FAM222B: variants seen among roughly 807,000 people sequenced by gnomAD.
The protein encoded by FAM222B is protein FAM222B.
In FAM222B, 12 loss-of-function variants were observed where a neutral mutation model predicts 38.0. The observed-to-expected ratio is 0.32, with a 90% CI of 0.20 to 0.51. FAM222B has a LOEUF of 0.51. FAM222B is among the 20% of genes least tolerant of loss of function. The pLI is 0.97. For missense variants in FAM222B, 716 were observed against 754.2 expected, an observed-to-expected ratio of 0.95 and a Z score of 0.59; for synonymous variants, 329 against 317.2, an observed-to-expected ratio of 1.04 and a Z score of -0.40.
intron 1 of FAM222B, among the ~76,000 whole-genome samples, chr17:28,815,496 G>A (rs937503007): frequency 1.3e-5 from 2 of 151,914 alleles, no homozygotes; most frequent in African/African-American, 2.4e-5. Flanking sequence ...TTACAGGCGT[G>A]AGCCACCGTG....
chr17:28,794,565 C>T (rs1344279293), intron 1 of FAM222B, among the ~76,000 whole-genome samples: 2 of 152,036 alleles, frequency 1.3e-5, no homozygotes, highest in African/African-American at 4.8e-5. Context: ...ATACCCACAA[C>T]ATTTTAAGAA....
chr17:28,832,102 A>C (rs1270756356), intron 1 of FAM222B, among the ~76,000 whole-genome samples: 1 of 152,152 alleles, frequency 6.6e-6, no homozygotes, highest in African/African-American at 2.4e-5. Flanking sequence ...AGGCAGAAGA[A>C]AGGCATGAAC....
chr17:28,762,226 T>G (rs1238499467), intron 2 of FAM222B: 4 of 152,076 alleles, frequency 2.6e-5, no homozygotes, highest in Admixed American at 6.6e-5. Context: ...AGTAGCTTTG[T>G]TAAGGAAGAA....
chr17:28,818,160 T>A (rs768606195), intron 1 of FAM222B, among the ~76,000 whole-genome samples: 4 of 147,796 alleles, frequency 2.7e-5, no homozygotes, highest in Non-Finnish European at 4.5e-5. Context: ...GGAGTAAGAG[T>A]TCAAGGTTAT....
At chr17:28,842,045 A>G (rs2039056236) in intron 1 of FAM222B, among the ~76,000 whole-genome samples, 1 of 152,206 alleles carries the variant, frequency 6.6e-6, no homozygotes, top group African/African-American at 2.4e-5. Context: ...AGTACTTACA[A>G]TTCACAATTT....
chr17:28,852,710 G>C (rs1056768971), intron 1 of FAM222B, among the ~76,000 whole-genome samples: 1 of 152,010 alleles, frequency 6.6e-6, no homozygotes, highest in Non-Finnish European at 1.5e-5. Flanking sequence ...CTCAATACTG[G>C]TCCTCAATAT....
intron 1 of FAM222B, among the ~76,000 whole-genome samples, chr17:28,836,033 G>A (rs747135981): frequency 6.6e-6 from 1 of 150,480 alleles, no homozygotes; most frequent in Non-Finnish European, 1.5e-5. Context: ...GTTGTTGCCC[G>A]GGCTGGAGTG....
chr17:28,767,319 C>G (rs1013647945), intron 1 of FAM222B, among the ~76,000 whole-genome samples: 1 of 152,088 alleles, frequency 6.6e-6, no homozygotes. Flanking sequence ...CCACGCCTGG[C>G]TAATTTCTTT....
intron 1 of FAM222B, among the ~76,000 whole-genome samples, chr17:28,797,754 T>C (rs2151890768): frequency 6.6e-6 from 1 of 152,262 alleles, no homozygotes. Context: ...ATCAGCCCCA[T>C]TTTCACATAT....
intron 1 of FAM222B, among the ~76,000 whole-genome samples, chr17:28,770,656 C>T (rs1421484059): frequency 2.6e-5 from 4 of 152,104 alleles, no homozygotes; most frequent in South Asian, 2.1e-4. Context: ...TACAATGCTC[C>T]GCCTCCTGGG....
At position 28,758,229 on chromosome 17, in the gene FAM222B, G is replaced by A; in HGVS notation, c.*41C>T. 4.8e-6 allele frequency: 7 copies of A among 1,456,032 alleles called. No individual in the cohort carries two copies. The highest frequency in any genetic ancestry group is 6.5e-6 in the Non-Finnish European group (7 of 1,075,132). The allele number at this position is 1,456,032 out of a possible 1,614,324, so 90.2% of individuals were successfully genotyped here. ...TACTTAAAAGACTAAACCTAGGAGGGTGATGTATGATGTGTTGCACGTGGA... is the reference window on the plus strand; with the variant it reads ...TACTTAAAAGACTAAACCTAGGAGGATGATGTATGATGTGTTGCACGTGGA... On this transcript the variant is annotated 3_prime_UTR_variant, in exon 3 of 3. Coordinates refer to ENST00000581407, the MANE Select transcript of FAM222B (RefSeq NM_001077498.3).
At chr17:28,807,510 T>C (rs1014605545) in intron 1 of FAM222B, among the ~76,000 whole-genome samples, 3 of 152,086 alleles carry the variant, frequency 2.0e-5, no homozygotes, top group Admixed American at 2.0e-4. Context: ...CTCAGCCTCC[T>C]GAGTAGCTGG....
At chr17:28,836,840 A>AT (rs1361311319) in intron 1 of FAM222B, among the ~76,000 whole-genome samples, 4 of 152,082 alleles carry the variant, frequency 2.6e-5, no homozygotes, top group Non-Finnish European at 5.9e-5. Flanking sequence ...GGAGGCAGAT[A>AT]TTGGGCATAA....
intron 1 of FAM222B, among the ~76,000 whole-genome samples, chr17:28,769,174 C>CTTTTTTTTTTT (rs35918064): frequency 3.6e-5 from 3 of 82,574 alleles, no homozygotes; most frequent in African/African-American, 4.5e-5. Context: ...AATGTTAGTT[C>CTTTTTTTTTTT]TTTTTTTTTT....
upstream of FAM222B, among the ~76,000 whole-genome samples, chr17:28,846,334 G>A (rs1196645681): frequency 6.6e-6 from 1 of 151,466 alleles, no homozygotes; most frequent in Non-Finnish European, 1.5e-5. Flanking sequence ...ACACTACACC[G>A]CAGCCTAAGG....
At chr17:28,845,942 G>A (rs1297790121), upstream of FAM222B, among the ~76,000 whole-genome samples, 3 of 150,546 alleles carry the variant, frequency 2.0e-5, no homozygotes, top group Non-Finnish European at 3.0e-5. Flanking sequence ...GGTGGCTCAC[G>A]CCTGTAATCT....
intron 1 of FAM222B, among the ~76,000 whole-genome samples, chr17:28,853,635 A>G (rs116900005): frequency 1.4e-3 from 218 of 152,260 alleles, no homozygotes; most frequent in Non-Finnish European, 2.5e-3. Context: ...TATTTTAGAG[A>G]TGGGGTCCCT....
intron 1 of FAM222B, among the ~76,000 whole-genome samples, chr17:28,796,528 G>T (rs1307971329): frequency 6.6e-6 from 1 of 152,132 alleles, no homozygotes; most frequent in East Asian, 1.9e-4. Context: ...AAGCACTGTG[G>T]TCTGATCTCC....
At chr17:28,831,001 T>G (rs1481203809) in intron 1 of FAM222B, among the ~76,000 whole-genome samples, 2 of 146,684 alleles carry the variant, frequency 1.4e-5, no homozygotes. Context: ...TTTTTTTTTT[T>G]TTTTTTTTTT....
Sources: gnomAD v4.1 joint callset for allele counts (sites outside exome capture counted in the v4.1 genomes callset) on GRCh38, gnomAD v4.1.1 for gene constraint, MANE v1.5 for transcripts, NCBI Gene and HGNC (gene_info 2026-07-23, HGNC 2026-07-21) for gene names.